The following PACRG variants were observed in gnomAD, a reference collection of about 807,000 sequenced individuals.
The protein encoded by PACRG is parkin coregulated gene protein.
A neutral mutation model predicts 29.7 loss-of-function variants in PACRG; 29 were observed. The ratio of observed to expected loss-of-function variants is 0.98; its 90% CI spans 0.73 to 1.33. PACRG has a LOEUF of 1.33. Among genes scored for constraint, PACRG ranks in the 40% most tolerant of loss-of-function variants. The pLI, the probability that PACRG is intolerant of heterozygous loss-of-function variation, is 0.00. For missense variants in PACRG, 279 were observed against 316.2 expected (o/e 0.88, Z 0.89); for synonymous variants, 116 against 118.7 (o/e 0.98, Z 0.15).
At chr6:162,909,796 G>A (rs1286513314) in intron 2 of PACRG, among the ~76,000 whole-genome samples, 2 of 152,120 alleles carry the variant, frequency 1.3e-5, no homozygotes, top group Non-Finnish European at 2.9e-5. Context: ...TATCCTCCAT[G>A]AATTATCCCC....
rs986547222 is a variant in PACRG, at chr6:162,941,017, CGT to C, written c.292-121126_292-121125del. Among the ~76,000 whole-genome samples the C allele has an allele frequency of 4.6e-5, 7 of 150,724 alleles. No individual in the cohort carries two copies. In the South Asian group the frequency reaches 6.3e-4, roughly 13 times the overall value. On this transcript the variant is annotated intron_variant, in intron 2 of 4. Transcript: ENST00000366888. ...TGGCATGTGTGTTTGTGTGTGTGCG[CGT>C]GTGTGTTTGTATATGTGTGTGTTTG...
chr6:163,248,878 A>G (rs530148506), intron 4 of PACRG, among the ~76,000 whole-genome samples: 8 of 152,166 alleles, frequency 5.3e-5, no homozygotes, highest in South Asian at 4.2e-4. Context: ...TTAGCTGGGC[A>G]TGGTGGCAGG....
rs554466780 is a variant in PACRG, at chr6:163,101,759, C to T, written c.613+12351C>T. 3.9e-5 allele frequency among the ~76,000 whole-genome samples: 6 copies of T among 152,282 alleles called. No individual in the cohort carries two copies. In the East Asian group the frequency reaches 1.2e-3, roughly 29 times the overall value. Reference sequence around the variant, plus strand: ...CTGGCGGTGTGGAACATGAGGCCTTCCTGCTCTCACCGTAAGCCTGGTTGC... The same window carrying T: ...CTGGCGGTGTGGAACATGAGGCCTTTCTGCTCTCACCGTAAGCCTGGTTGC... On this transcript the variant is annotated intron_variant, in intron 4 of 4. Coordinates refer to ENST00000366888, the MANE Select transcript of PACRG (RefSeq NM_001080379.2).
intron 4 of PACRG, among the ~76,000 whole-genome samples, chr6:163,258,116 C>G (rs528893720): frequency 6.6e-6 from 1 of 152,186 alleles, no homozygotes; most frequent in African/African-American, 2.4e-5. Context: ...CATTTTTAAA[C>G]AGAATTTACT....
intron 4 of PACRG, among the ~76,000 whole-genome samples, chr6:163,271,221 ATTCTGG>A (rs1198465696): frequency 6.6e-6 from 1 of 152,096 alleles, no homozygotes; most frequent in East Asian, 1.9e-4. Flanking sequence ...GCCTGCTTTT[ATTCTGG>A]CTACACTGGC....
chr6:163,178,809 G>T (rs1030425856), intron 4 of PACRG, among the ~76,000 whole-genome samples: 11 of 152,232 alleles, frequency 7.2e-5, no homozygotes, highest in African/African-American at 2.6e-4. Flanking sequence ...CAAGAACTAG[G>T]TACAGTATCT....
chr6:163,261,801 A>G (rs1039012573), intron 4 of PACRG, among the ~76,000 whole-genome samples: 3 of 152,184 alleles, frequency 2.0e-5, no homozygotes, highest in Non-Finnish European at 2.9e-5. Context: ...GTTAGATATG[A>G]TAAGTAATAT....
At chr6:163,086,137 A>G (rs147243101) in intron 3 of PACRG, among the ~76,000 whole-genome samples, 25 of 151,728 alleles carry the variant, frequency 1.6e-4, no homozygotes, top group African/African-American at 5.1e-4. Context: ...ACTGCCCCCA[A>G]TCCTTAGAAC....
chr6:162,815,010 G>C (rs926071479), intron 2 of PACRG, among the ~76,000 whole-genome samples: 16 of 152,288 alleles, frequency 1.1e-4, no homozygotes, highest in Admixed American at 9.1e-4. Flanking sequence ...CATTTAATCT[G>C]AGAAAAATAA....
chr6:163,177,710 ATTTTT>A (rs398003265), intron 4 of PACRG, among the ~76,000 whole-genome samples: 1,170 of 53,736 alleles, frequency 0.022, 24 homozygotes, highest in African/African-American at 0.08. Flanking sequence ...TAGAAAAGGG[ATTTTT>A]TTTTTTTTTT....
intron 4 of PACRG, among the ~76,000 whole-genome samples, chr6:163,223,680 G>C (rs1375256232): frequency 2.0e-5 from 3 of 152,208 alleles, no homozygotes; most frequent in Non-Finnish European, 4.4e-5. Context: ...AGAGAAAGTG[G>C]TCAGAAAAGG....
chr6:163,129,019 A>G (rs1033847164), intron 4 of PACRG, among the ~76,000 whole-genome samples: 2 of 152,278 alleles, frequency 1.3e-5, no homozygotes, highest in Non-Finnish European at 2.9e-5. Flanking sequence ...AACTCAAAAT[A>G]TTGAGGAAAA....
chr6:163,252,730 C>T (rs1429909642), intron 4 of PACRG, among the ~76,000 whole-genome samples: 1 of 152,184 alleles, frequency 6.6e-6, no homozygotes, highest in Admixed American at 6.5e-5. Context: ...AACCTGTTGG[C>T]AAGAAGCAGA....
At chr6:162,890,933 T>G (rs1794707653) in intron 2 of PACRG, among the ~76,000 whole-genome samples, 1 of 152,124 alleles carries the variant, frequency 6.6e-6, no homozygotes, top group Non-Finnish European at 1.5e-5. Flanking sequence ...GCTGCACCCC[T>G]CGAGGTCTTG....
At chr6:162,745,662 G>A (rs1780935739) in intron 1 of PACRG, among the ~76,000 whole-genome samples, 2 of 152,148 alleles carry the variant, frequency 1.3e-5, no homozygotes, top group South Asian at 4.1e-4. Context: ...TAATAACTAG[G>A]ATGACTGCTG....
chr6:162,809,244 C>T (rs73603837), intron 1 of PACRG, among the ~76,000 whole-genome samples: 5,503 of 151,900 alleles, frequency 0.036, 323 homozygotes, highest in African/African-American at 0.12. Flanking sequence ...TTACAAGTTC[C>T]GGCTTTTGAG....
rs905661330 is a variant in PACRG at position 162,959,229 on chromosome 6, T to A, written c.292-102921T>A. ...CCACCGTGCCTGGCCAACACATGGA[T>A]ATTATAGCGGGTGTATTGGAAGACA... On this transcript the variant is annotated intron_variant, in intron 2 of 4. Coordinates refer to ENST00000366888, the MANE Select transcript of PACRG (RefSeq NM_001080379.2). Among the ~76,000 whole-genome samples the A allele has an allele frequency of 1.8e-4, 28 of 151,942 alleles. 1 individual carries two copies. Among genetic ancestry groups the A allele is most frequent in the Admixed American group, 1.8e-3 (28 of 15,238 alleles).
At chr6:163,197,257 G>A (rs1291413200) in intron 4 of PACRG, among the ~76,000 whole-genome samples, 2 of 151,888 alleles carry the variant, frequency 1.3e-5, no homozygotes, top group African/African-American at 4.8e-5. Flanking sequence ...TCATCTCTGT[G>A]GATATTGTTG....
rs1362288095 is a variant in PACRG, at chr6:162,888,636, G to C, written c.291+74355G>C. On this transcript the variant is annotated intron_variant, in intron 2 of 4. Transcript: ENST00000366888. ...GATCTCAGCTTACAGGAAAGGTGGA[G>C]AGAAAAGGCGATCAGAGCAGAGTCC... is the stretch of plus-strand genomic sequence containing the variant. 4.6e-5 allele frequency among the ~76,000 whole-genome samples: 7 copies of C among 152,136 alleles called. No individual in the cohort carries two copies. In the South Asian group the frequency reaches 1.5e-3, roughly 32 times the overall value.
Sources: gnomAD v4.1 joint callset for allele counts (sites outside exome capture counted in the v4.1 genomes callset) on GRCh38, gnomAD v4.1.1 for gene constraint, MANE v1.5 for transcripts, NCBI Gene and HGNC (gene_info 2026-07-23, HGNC 2026-07-21) for gene names.